SLC24A2: variants seen among roughly 807,000 people sequenced by gnomAD.
The protein encoded by SLC24A2 is sodium/potassium/calcium exchanger 2.
In SLC24A2, 36 loss-of-function variants were observed where a neutral mutation model predicts 62.0. The ratio of observed to expected loss-of-function variants is 0.58; its 90% CI spans 0.44 to 0.77. The LOEUF (loss-of-function observed/expected upper bound fraction) is 0.77, where lower values mean the gene tolerates loss of function less well. SLC24A2 is among the 30% of genes least tolerant of loss of function. The probability of loss-of-function intolerance (pLI) is 0.00; values close to 1 mark genes in which losing one functional copy is unlikely to be tolerated. For missense variants in SLC24A2, 846 were observed against 817.9 expected, an observed-to-expected ratio of 1.03 and a Z score of -0.42; for synonymous variants, 358 against 294.0, an observed-to-expected ratio of 1.22 and a Z score of -2.23.
In SLC24A2 at chr9:19,510,806, T is replaced by G. The variant is rs777700450; in HGVS notation, c.*5347A>C. The G allele has an allele frequency of 6.6e-6, 1 of 152,238 alleles. No homozygotes were observed. The highest frequency in any genetic ancestry group is 1.5e-5 in the Non-Finnish European group (1 of 68,048). The allele number at this position is 152,238 out of a possible 1,614,324, so 9.4% of individuals were successfully genotyped here. A position where few individuals can be genotyped will look rare whatever the true frequency, so the allele number is the denominator to read the frequency against. ...CAGTCCCTCACTGTTCGTACGCTAATTTGAAAACAGTTGCCTAGCCTGTCG... is the reference window on the plus strand; with the variant it reads ...CAGTCCCTCACTGTTCGTACGCTAAGTTGAAAACAGTTGCCTAGCCTGTCG... On this transcript the variant is annotated 3_prime_UTR_variant, in exon 11 of 11. Coordinates refer to ENST00000341998, the MANE Select transcript of SLC24A2 (RefSeq NM_020344.4).
intron 2 of SLC24A2, among the ~76,000 whole-genome samples, chr9:19,649,001 C>CAA (rs66653116): frequency 0.42 from 45,298 of 109,006 alleles, 8,136 homozygotes; most frequent in East Asian, 0.61. Context: ...GATTAAAAAC[C>CAA]AAAAAAAAAA....
chr9:20,247,434 C>A, the SLC24A2 span, among the ~76,000 whole-genome samples: 1 of 152,096 alleles, frequency 6.6e-6, no homozygotes, highest in African/African-American at 2.4e-5. Context: ...GGAGGTAGGG[C>A]CTTTGGGAGG....
intron 4 of SLC24A2, among the ~76,000 whole-genome samples, chr9:19,598,770 C>T (rs916258614): frequency 2.6e-5 from 4 of 151,878 alleles, no homozygotes; most frequent in African/African-American, 9.7e-5. Context: ...ACCTAAATAC[C>T]TTCATAAATA....
chr9:20,248,533 G>T, the SLC24A2 span, among the ~76,000 whole-genome samples: 2 of 152,166 alleles, frequency 1.3e-5, no homozygotes, highest in African/African-American at 4.8e-5. Flanking sequence ...GATAAAAAGG[G>T]GCAGGCTCTC....
the SLC24A2 span, among the ~76,000 whole-genome samples, chr9:19,958,487 G>A: frequency 1.3e-5 from 2 of 152,178 alleles, no homozygotes; most frequent in Non-Finnish European, 2.9e-5. Context: ...CCAAGCCACG[G>A]TGTGCACGGC....
chr9:20,228,212 A>G, the SLC24A2 span, among the ~76,000 whole-genome samples: 6 of 152,130 alleles, frequency 3.9e-5, no homozygotes, highest in Admixed American at 6.6e-5. Context: ...AAATGCTTTG[A>G]CCTAAATTTC....
chr9:20,083,878 C>A, the SLC24A2 span, among the ~76,000 whole-genome samples: 4 of 152,192 alleles, frequency 2.6e-5, no homozygotes, highest in Non-Finnish European at 1.5e-5. Flanking sequence ...AATTGATGCA[C>A]AGGATCCCAG....
At chr9:20,015,243 T>C in the SLC24A2 span, among the ~76,000 whole-genome samples, 4 of 152,136 alleles carry the variant, frequency 2.6e-5, no homozygotes, top group Non-Finnish European at 4.4e-5. Flanking sequence ...AAAGGAAAGA[T>C]GTACATAAAG....
At chr9:19,799,986 C>G in the SLC24A2 span, among the ~76,000 whole-genome samples, 94 of 152,272 alleles carry the variant, frequency 6.2e-4, no homozygotes, top group African/African-American at 2.0e-3. Flanking sequence ...CTAGCTTCGG[C>G]GGCTCTGAGA....
At chr9:19,850,293 G>C in the SLC24A2 span, among the ~76,000 whole-genome samples, 5 of 151,910 alleles carry the variant, frequency 3.3e-5, no homozygotes, top group Admixed American at 3.3e-4. Context: ...AAAGTTCAAA[G>C]AATTTTTCTA....
the SLC24A2 span, among the ~76,000 whole-genome samples, chr9:20,048,436 A>G: frequency 6.6e-6 from 1 of 152,220 alleles, no homozygotes; most frequent in African/African-American, 2.4e-5. Context: ...TGGCGAAAAC[A>G]CTTTTCTACA....
the SLC24A2 span, among the ~76,000 whole-genome samples, chr9:20,014,495 G>GATATATATATATATATATATAT: frequency 5.7e-5 from 8 of 140,702 alleles, no homozygotes; most frequent in South Asian, 4.6e-4. Flanking sequence ...AGAAAAATGT[G>GATATATATATATATATATATAT]ATATATATAT....
the SLC24A2 span, among the ~76,000 whole-genome samples, chr9:20,082,243 C>T: frequency 1.3e-5 from 2 of 152,100 alleles, no homozygotes; most frequent in African/African-American, 2.4e-5. Context: ...AGCAGGCTAC[C>T]GTATTTTTTT....
the SLC24A2 span, among the ~76,000 whole-genome samples, chr9:20,242,960 C>T: frequency 1.3e-5 from 2 of 152,178 alleles, no homozygotes; most frequent in Non-Finnish European, 2.9e-5. Context: ...CTACAAGCCA[C>T]TTGCAAAACG....
chr9:20,069,343 T>C, the SLC24A2 span, among the ~76,000 whole-genome samples: 1 of 152,236 alleles, frequency 6.6e-6, no homozygotes, highest in Non-Finnish European at 1.5e-5. Context: ...TTAGTATCAA[T>C]TGGTCTTTCA....
the SLC24A2 span, among the ~76,000 whole-genome samples, chr9:19,964,129 A>G: frequency 6.7e-6 from 1 of 149,792 alleles, no homozygotes; most frequent in Non-Finnish European, 1.5e-5. Context: ...ACAAAAAACC[A>G]AACACCGCAT....
the SLC24A2 span, among the ~76,000 whole-genome samples, chr9:19,810,701 G>A: frequency 2.6e-5 from 4 of 152,130 alleles, no homozygotes; most frequent in Non-Finnish European, 5.9e-5. Context: ...TAGCTCTTTT[G>A]TATACAACTG....
intron 2 of SLC24A2, among the ~76,000 whole-genome samples, chr9:19,634,483 T>C (rs1022785567): frequency 1.3e-5 from 2 of 152,088 alleles, no homozygotes; most frequent in African/African-American, 4.8e-5. Flanking sequence ...AGATGGGGTT[T>C]CTCCATGTTG....
the SLC24A2 span, among the ~76,000 whole-genome samples, chr9:19,876,053 T>C: frequency 1.5e-4 from 23 of 152,336 alleles, no homozygotes; most frequent in African/African-American, 5.3e-4. Context: ...TTGCAGCATG[T>C]CAAGTCTTCC....
Sources: allele counts gnomAD v4.1 joint callset (sites outside exome capture counted in the v4.1 genomes callset), GRCh38; gene constraint gnomAD v4.1.1; transcripts MANE v1.5; gene names NCBI Gene and HGNC (gene_info 2026-07-23, HGNC 2026-07-21).